TIE1: variants seen among roughly 807,000 people sequenced by gnomAD.
TIE1 encodes the protein tyrosine-protein kinase receptor Tie-1.
TIE1 carries 89 observed loss-of-function variants against 130.5 expected under a neutral mutation model. The ratio of observed to expected loss-of-function variants is 0.68; its 90% confidence interval spans 0.57 to 0.81. The LOEUF (loss-of-function observed/expected upper bound fraction) is 0.81, where lower values mean the gene tolerates loss of function less well. Among genes scored for constraint, TIE1 ranks in the 40% least tolerant of loss-of-function variants. The probability of loss-of-function intolerance (pLI) is 0.00; values close to 1 mark genes in which losing one functional copy is unlikely to be tolerated. For missense variants in TIE1, 1,392 were observed against 1,559.8 expected, an observed-to-expected ratio of 0.89 and a Z score of 1.81; for synonymous variants, 568 against 629.4, an observed-to-expected ratio of 0.90 and a Z score of 1.46.
rs759745158 is a variant in TIE1 at position 43,321,403 on chromosome 1, A to G, written c.3156A>G (p.Thr1052=). 27 of 1,613,676 alleles carry G rather than the reference A, an allele frequency of 1.7e-5. No individual in the cohort carries two copies. The South Asian group carries it at 2.7e-4, about 16-fold the overall frequency. Residue 1052 remains threonine (T), a synonymous_variant, in exon 21 of 23, where the codon ACA becomes ACG. Coordinates refer to ENST00000372476, the MANE Select transcript of TIE1 (RefSeq NM_005424.5). The stretch of plus-strand genomic sequence containing the variant: ...CTTTGTCCCCTCCTGCAGGAGGTAC[A>G]CCCTACTGTGGCATGACCTGTGCCG... The part of the protein sequence containing the change: ...LLWEIVSLGG[T]PYCGMTCAEL...
At chr1:43,303,040 A>C (rs1646685980) in intron 1 of TIE1, among the ~76,000 whole-genome samples, 1 of 152,180 alleles carries the variant, frequency 6.6e-6, no homozygotes, top group African/African-American at 2.4e-5. Flanking sequence ...TTTCCTGGCT[A>C]TAAAACAGGG....
intron 1 of TIE1, among the ~76,000 whole-genome samples, chr1:43,302,055 C>A (rs946526825): frequency 3.9e-5 from 6 of 152,114 alleles, no homozygotes; most frequent in Admixed American, 6.5e-5. Flanking sequence ...GGAGTAGCCG[C>A]TGACTGTGTT....
intron 22 of TIE1, 76 bp downstream of exon 22, chr1:43,321,791 C>A: frequency 7.2e-7 from 1 of 1,398,070 alleles, no homozygotes; most frequent in Non-Finnish European, 9.8e-7. Context: ...GTGCCATGAC[C>A]CCTGTCCCAA....
At chr1:43,310,829 A>T (rs746833850) in intron 9 of TIE1, among the ~76,000 whole-genome samples, 1 of 152,166 alleles carries the variant, frequency 6.6e-6, no homozygotes, top group Non-Finnish European at 1.5e-5. Context: ...CCCTCCTGAC[A>T]TGCTCATTGC....
In TIE1 at chr1:43,321,054, AC is replaced by A. The variant is rs372887806; in HGVS notation, c.3108-214del. Among the ~76,000 whole-genome samples the A allele has an allele frequency of 2.6e-3, 273 of 105,568 alleles. 10 individuals carry two copies. Among genetic ancestry groups the A allele is most frequent in the African/African-American group, 7.4e-3 (227 of 30,762 alleles). 69.3% of individuals were successfully genotyped at this position (105,568 alleles called of 152,430 possible). On this transcript the variant is annotated intron_variant, in intron 19 of 22. Transcript: ENST00000372476. Reference sequence around the variant, plus strand: ...TCTCAAAAAAAAAAAAAAAAAAAAAACAAAACAAAAGAGCTCTAATTGTGCT... The same window carrying A: ...TCTCAAAAAAAAAAAAAAAAAAAAAAAAAACAAAAGAGCTCTAATTGTGCT...
rs747102847 is a variant in TIE1 at position 43,317,620 on chromosome 1, A to G, written c.2677A>G (p.Lys893Glu). Residue 893 changes from lysine (K) to glutamate (E), a missense_variant, in exon 16 of 23, where the codon AAA becomes GAA. Lys to Glu is a moderately conservative substitution (Grantham distance 56, BLOSUM62 1). Transcript: ENST00000372476. This position sits in a 1 kb window ranked among gnomAD's most constrained non-coding sequence, Gnocchi z 5.1. ...TGCGGGAGAACTGGAAGTTCTGTGC[A>G]AATTGGGGCATCACCCCAACATCAT... ...DFAGELEVLC[K>E]LGHHPNIINL... is the part of the protein sequence containing the mutation. The G allele has an allele frequency of 6.2e-7, 1 of 1,608,292 alleles. No homozygotes were observed. The highest frequency in any genetic ancestry group is 8.5e-7 in the Non-Finnish European group (1 of 1,176,240).
At position 43,317,913 on chromosome 1, in the gene TIE1, C is replaced by G; in HGVS notation, c.2763C>G (p.Pro921=). The change falls in exon 17 of 23, where the codon CCC becomes CCG. Residue 921 remains proline, a synonymous_variant. Transcript: ENST00000372476. This position sits in a 1 kb window ranked among gnomAD's most constrained non-coding sequence, Gnocchi z 5.1. ...GYLYIAIEYA[P]YGNLLDFLRK... ...TGTATATCGCTATTGAATATGCCCC[C>G]TACGGGAACCTGCTAGATTTTCTGC... The G allele has an allele frequency of 1.2e-6, 2 of 1,614,166 alleles. No individual in the cohort carries two copies. Among genetic ancestry groups the G allele is most frequent in the Non-Finnish European group, 1.7e-6 (2 of 1,180,000 alleles).
chr1:43,311,719 G>A lies in TIE1; in HGVS notation c.1382G>A (p.Arg461His), dbSNP rs750816125. The change falls in exon 10 of 23, where the codon CGC (arginine) becomes CAC (histidine). Residue 461 changes from arginine (R) to histidine (H), a missense_variant. Physicochemically the swap from Arg to His is conservative, Grantham distance 29. Coordinates refer to ENST00000372476, the MANE Select transcript of TIE1 (RefSeq NM_005424.5). ...AAPRLLTKQS[R>H]QLVVSPLVSF... ...CCTCGGCTCCTGACCAAGCAGAGCC[G>A]CCAGCTTGTGGTCTCCCCGCTGGTC... 48 of 1,613,868 alleles carry A rather than the reference G, an allele frequency of 3.0e-5. No individual in the cohort carries two copies. Among genetic ancestry groups the A allele is most frequent in the Admixed American group, 5.0e-5 (3 of 59,994 alleles).
In TIE1 at chr1:43,312,251, T is replaced by C; in HGVS notation, c.1631-54T>C. The C allele has an allele frequency of 1.3e-6, 2 of 1,513,812 alleles. No individual in the cohort carries two copies. The highest frequency in any genetic ancestry group is 2.7e-5 in the South Asian group (2 of 74,814). 93.8% of individuals were successfully genotyped at this position (1,513,812 alleles called of 1,614,324 possible). A position where few individuals can be genotyped will look rare whatever the true frequency, so the allele number is the denominator to read the frequency against. On this transcript the variant is annotated intron_variant, in intron 11 of 22. Transcript: ENST00000372476. This position sits in a 1 kb window ranked among gnomAD's most constrained non-coding sequence, Gnocchi z 5.6. ...CCTTGTTCACTGGGGATCATTGTCCTGTCCAGCCCCAAGTACCTACTGGAC... is the reference window on the plus strand; with the variant it reads ...CCTTGTTCACTGGGGATCATTGTCCCGTCCAGCCCCAAGTACCTACTGGAC...
At chr1:43,314,057 G>A (rs1254409915) in intron 14 of TIE1, 89 bp downstream of exon 14, 1 of 1,136,528 alleles carries the variant, frequency 8.8e-7, no homozygotes. Flanking sequence ...TACACCTTGT[G>A]TGTGTGTGTG....
chr1:43,311,966 T>A (rs1646799455), intron 10 of TIE1, 28 bp from the exon 11 acceptor site: 1 of 1,564,354 alleles, frequency 6.4e-7, no homozygotes, highest in Non-Finnish European at 8.7e-7. Flanking sequence ...GGGGGCTGAA[T>A]AATGTGTGCT....
chr1:43,315,552 G>A lies in TIE1; in HGVS notation c.2409+1584G>A, dbSNP rs985129833. 6.6e-6 allele frequency among the ~76,000 whole-genome samples: 1 copy of A among 152,100 alleles called. No individual in the cohort carries two copies. The highest frequency in any genetic ancestry group is 1.5e-5 in the Non-Finnish European group (1 of 68,012). On this transcript the variant is annotated intron_variant, in intron 14 of 22. Coordinates refer to ENST00000372476, the MANE Select transcript of TIE1 (RefSeq NM_005424.5). The surrounding 1 kb of genome is among the most constrained non-coding windows in gnomAD (Gnocchi z 4.4). Reference sequence around the variant, plus strand: ...GCCTGTAATCCCAGCTACTAGGGAGGCTGAGGCAGGAGAACTGCTTGAACC... The same window carrying A: ...GCCTGTAATCCCAGCTACTAGGGAGACTGAGGCAGGAGAACTGCTTGAACC...
At position 43,307,262 on chromosome 1, in the gene TIE1, G is replaced by A. The variant is rs531943436; in HGVS notation, c.761G>A (p.Arg254His). 33 of 1,614,102 alleles carry A rather than the reference G, an allele frequency of 2.0e-5. 2 individuals carry two copies. In the South Asian group the frequency reaches 3.0e-4, roughly 14 times the overall value. The part of the protein sequence containing the change: ...CVCPPGFTGT[R>H]CEQACREGRF... Reference sequence around the variant, plus strand: ...TGCCCCCCTGGCTTCACTGGCACCCGCTGTGAACAGGGTAAGGAGGAGGGG... The same window carrying A: ...TGCCCCCCTGGCTTCACTGGCACCCACTGTGAACAGGGTAAGGAGGAGGGG... Residue 254 changes from arginine to histidine, a missense_variant, in exon 5 of 23, where the codon CGC becomes CAC. Physicochemically the swap from Arg to His is conservative, Grantham distance 29. Transcript: ENST00000372476. The surrounding 1 kb of genome is among the most constrained non-coding windows in gnomAD (Gnocchi z 5.4).
intron 14 of TIE1, chr1:43,314,415 G>C: frequency 9.0e-7 from 1 of 1,106,850 alleles, no homozygotes; most frequent in South Asian, 2.3e-5. Context: ...GCCTCTGTCT[G>C]CACACATCTT....
Position 43,318,513 on chromosome 1 carries a change from T to C in TIE1, c.2922+441T>C, listed in dbSNP as rs1223389428. Among the ~76,000 whole-genome samples, 1 of 151,770 alleles carries C rather than the reference T, an allele frequency of 6.6e-6. No homozygotes were observed. Among genetic ancestry groups the C allele is most frequent in the Non-Finnish European group, 1.5e-5 (1 of 67,888 alleles). ...TCTGAGGGAAGGCATTTTATCTTTT[T>C]TTTTTTTTGAGACTGAGTCTCACTT... On this transcript the variant is annotated intron_variant, in intron 17 of 22. Transcript: ENST00000372476. This position sits in a 1 kb window ranked among gnomAD's most constrained non-coding sequence, Gnocchi z 4.4.
chr1:43,311,040 G>T (rs753014416), intron 9 of TIE1, among the ~76,000 whole-genome samples: 4 of 152,230 alleles, frequency 2.6e-5, no homozygotes, highest in Admixed American at 6.5e-5. Flanking sequence ...GGGTGAGGAA[G>T]TGGGGCAGGA....
At position 43,307,280 on chromosome 1, in the gene TIE1, A is replaced by T. The variant is rs1199506977; in HGVS notation, c.772+7A>T. The T allele has an allele frequency of 6.2e-7, 1 of 1,613,990 alleles. No individual in the cohort carries two copies. The highest frequency in any genetic ancestry group is 1.1e-5 in the South Asian group (1 of 91,090). ...GGCACCCGCTGTGAACAGGGTAAGGAGGAGGGGAGCTAGGACCCAGGCAGG... is the reference window on the plus strand; with the variant it reads ...GGCACCCGCTGTGAACAGGGTAAGGTGGAGGGGAGCTAGGACCCAGGCAGG... On this transcript the variant is annotated splice_region_variant and intron_variant, in intron 5 of 22. Coordinates refer to ENST00000372476, the MANE Select transcript of TIE1 (RefSeq NM_005424.5). The surrounding 1 kb of genome is among the most constrained non-coding windows in gnomAD (Gnocchi z 5.4).
Position 43,309,424 on chromosome 1 carries a change from G to T in TIE1, c.1225G>T (p.Ala409Ser). The T allele has an allele frequency of 6.2e-7, 1 of 1,610,018 alleles. No homozygotes were observed. The highest frequency in any genetic ancestry group is 8.5e-7 in the Non-Finnish European group (1 of 1,178,056). ...KAIVEPEKTT[A>S]EFEVPRLVLA... ...CATTGTGGAGCCAGAGAAGACCACA[G>T]CTGAGTTCGAGGTGCCCCGCTTGGT... Residue 409 changes from alanine (A) to serine (S), a missense_variant, in exon 9 of 23, where the codon GCT becomes TCT. Transcript: ENST00000372476. The surrounding 1 kb of genome is among the most constrained non-coding windows in gnomAD (Gnocchi z 6.3).
At chr1:43,310,393 C>T (rs1646777259) in intron 9 of TIE1, among the ~76,000 whole-genome samples, 2 of 152,180 alleles carry the variant, frequency 1.3e-5, no homozygotes, top group Admixed American at 1.3e-4. Flanking sequence ...TTGTTTCTCT[C>T]TTTGTGAAAT....
Sources: allele counts gnomAD v4.1 joint callset (sites outside exome capture counted in the v4.1 genomes callset), GRCh38; gene constraint gnomAD v4.1.1; non-coding constraint Gnocchi (gnomAD v3.1); transcripts MANE v1.5; gene names NCBI Gene and HGNC (gene_info 2026-07-23, HGNC 2026-07-21).